PCDHA5: variants seen among roughly 807,000 people sequenced by gnomAD.
PCDHA5 encodes the protein protocadherin alpha-5.
In PCDHA5, 43 loss-of-function variants were observed where a neutral mutation model predicts 61.6. The observed-to-expected ratio is 0.70, with a 90% CI of 0.55 to 0.90. PCDHA5 has a LOEUF of 0.90. PCDHA5 is among the 40% of genes least tolerant of loss of function. The probability of loss-of-function intolerance (pLI) is 0.00; values close to 1 mark genes in which losing one functional copy is unlikely to be tolerated. For missense variants in PCDHA5, 1,298 were observed against 1,222.7 expected (o/e 1.06, Z -0.92); for synonymous variants, 627 against 543.9 (o/e 1.15, Z -2.13).
Position 140,843,491 on chromosome 5 carries a change from T to C in PCDHA5, c.2352+19364T>C, listed in dbSNP as rs2150361204. 8 of 1,595,956 alleles carry C rather than the reference T, an allele frequency of 5.0e-6. 1 individual carries two copies. Among genetic ancestry groups the C allele is most frequent in the South Asian group, 1.1e-5 (1 of 90,486 alleles). On this transcript the variant is annotated intron_variant, in intron 1 of 3. Transcript: ENST00000529859. Reference sequence around the variant, plus strand: ...GCTGCTGTACACTGCGCTGCGGTGCTCAGCACTGCCCACTGAGGGCGGGTG... The same window carrying C: ...GCTGCTGTACACTGCGCTGCGGTGCCCAGCACTGCCCACTGAGGGCGGGTG...
chr5:140,834,404 C>A lies in PCDHA5; in HGVS notation c.2352+10277C>A, dbSNP rs17844304. On this transcript the variant is annotated intron_variant, in intron 1 of 3. Coordinates refer to ENST00000529859, the MANE Select transcript of PCDHA5 (RefSeq NM_018908.3). ...TTGAAATGGTGTGCCCGAATGGATACGACCCAGGGGGCCGACATCTACTGC... is the reference window on the plus strand; with the variant it reads ...TTGAAATGGTGTGCCCGAATGGATAAGACCCAGGGGGCCGACATCTACTGC... 182 of 1,606,186 alleles carry A rather than the reference C, an allele frequency of 1.1e-4. No individual in the cohort carries two copies. The East Asian group carries it at 3.7e-3, about 32-fold the overall frequency.
intron 1 of PCDHA5, among the ~76,000 whole-genome samples, chr5:140,955,355 G>A (rs1406631698): frequency 1.3e-5 from 2 of 152,086 alleles, no homozygotes; most frequent in African/African-American, 4.8e-5. Flanking sequence ...GTTGTGAGAG[G>A]GACCCAGTGG....
intron 1 of PCDHA5, chr5:140,834,849 G>A: frequency 6.2e-7 from 1 of 1,610,850 alleles, no homozygotes; most frequent in East Asian, 2.2e-5. Flanking sequence ...TCCACTAGAG[G>A]GCGCGTCCGA....
At chr5:140,863,422 G>A (rs782158453) in intron 1 of PCDHA5, 1 of 689,156 alleles carries the variant, frequency 1.5e-6, no homozygotes, top group South Asian at 1.3e-5. Flanking sequence ...GTACCGCAGC[G>A]TAGTGGGATC....
Position 141,009,722 on chromosome 5 carries a change from G to T in PCDHA5, c.2596G>T (p.Gly866Cys), listed in dbSNP as rs552954748. 6.8e-6 allele frequency: 11 copies of T among 1,614,022 alleles called. No individual in the cohort carries two copies. The highest frequency in any genetic ancestry group is 9.3e-6 in the Non-Finnish European group (11 of 1,180,046). Residue 866 changes from glycine (G) to cysteine (C), a missense_variant, in exon 4 of 4, where the codon GGT becomes TGT. Gly to Cys is a radical substitution (Grantham distance 159). Transcript: ENST00000529859. ...CGGACCAGGCAACCCCAAACAATCC[G>T]GTCCCGGTGAGTTGCCCGACAAATT... ...KYGPGNPKQS[G>C]PGELPDKFII...
Position 140,823,023 on chromosome 5 carries a change from C to G in PCDHA5, c.1248C>G (p.Ser416Arg). The change falls in exon 1 of 4, where the codon AGC becomes AGG. Residue 416 changes from serine to arginine, a missense_variant. Ser to Arg is a moderately radical substitution (Grantham distance 110). Coordinates refer to ENST00000529859, the MANE Select transcript of PCDHA5 (RefSeq NM_018908.3). ...LVLDSALDRE[S>R]VSVYELVVTA... ...TGGACAGCGCCCTGGACCGCGAGAG[C>G]GTGTCGGTCTATGAGCTGGTGGTGA... The G allele has an allele frequency of 6.2e-7, 1 of 1,614,226 alleles. No homozygotes were observed. Among genetic ancestry groups the G allele is most frequent in the Non-Finnish European group, 8.5e-7 (1 of 1,180,052 alleles).
At chr5:140,919,674 G>C (rs1554199207) in intron 1 of PCDHA5, among the ~76,000 whole-genome samples, 1 of 151,886 alleles carries the variant, frequency 6.6e-6, no homozygotes, top group Non-Finnish European at 1.5e-5. Context: ...TTAGCTTATT[G>C]GTATCTGCTT....
chr5:140,832,245 C>T lies in PCDHA5; in HGVS notation c.2352+8118C>T, dbSNP rs2150200426. ...AGTTGGTTTTGACTTTTTGTGTTGT[C>T]CATGTTCCCAGGAAATATTAGACTA... On this transcript the variant is annotated intron_variant, in intron 1 of 3. Coordinates refer to ENST00000529859, the MANE Select transcript of PCDHA5 (RefSeq NM_018908.3). Among the ~76,000 whole-genome samples, 254 of 152,260 alleles carry T rather than the reference C, an allele frequency of 1.7e-3. 1 individual carries two copies. Among genetic ancestry groups the T allele is most frequent in the African/African-American group, 5.9e-3 (244 of 41,568 alleles).
intron 1 of PCDHA5, among the ~76,000 whole-genome samples, chr5:140,872,690 T>C (rs1485284839): frequency 6.6e-6 from 1 of 152,210 alleles, no homozygotes; most frequent in Non-Finnish European, 1.5e-5. Context: ...ATGGCATGAT[T>C]TATGATTCCA....
intron 1 of PCDHA5, chr5:140,848,676 C>T: frequency 6.3e-7 from 1 of 1,592,292 alleles, no homozygotes; most frequent in South Asian, 1.1e-5. Flanking sequence ...GGAGCTGGTG[C>T]CGCGCCTGTT....
intron 3 of PCDHA5, among the ~76,000 whole-genome samples, chr5:140,999,763 T>C (rs1475737646): frequency 2.0e-5 from 3 of 152,200 alleles, no homozygotes; most frequent in African/African-American, 7.2e-5. Flanking sequence ...ACATGATGTC[T>C]TTATACTCTT....
chr5:140,870,582 G>T (rs1554164436), intron 1 of PCDHA5: 2 of 1,613,846 alleles, frequency 1.2e-6, no homozygotes, highest in Non-Finnish European at 1.7e-6. Flanking sequence ...CCTACTCGCT[G>T]GTGGAGCGGC....
intron 1 of PCDHA5, among the ~76,000 whole-genome samples, chr5:140,889,361 T>C (rs1005398759): frequency 2.0e-5 from 3 of 152,106 alleles, no homozygotes; most frequent in Non-Finnish European, 4.4e-5. Context: ...GATTACTGAC[T>C]CAATTTTAAT....
In PCDHA5 at chr5:140,844,771, C is replaced by A. The variant is rs1035379460; in HGVS notation, c.2352+20644C>A. 3.4e-5 allele frequency among the ~76,000 whole-genome samples: 5 copies of A among 149,070 alleles called. 1 individual carries two copies. Among genetic ancestry groups the A allele is most frequent in the African/African-American group, 7.4e-5 (3 of 40,720 alleles). On this transcript the variant is annotated intron_variant, in intron 1 of 3. Coordinates refer to ENST00000529859, the MANE Select transcript of PCDHA5 (RefSeq NM_018908.3). Reference sequence around the variant, plus strand: ...ATAAATCTTTGAAAAATCCAAGATACTTTATTTTGGTATCTTTCAACATTT... The same window carrying A: ...ATAAATCTTTGAAAAATCCAAGATAATTTATTTTGGTATCTTTCAACATTT...
Position 140,823,503 on chromosome 5 carries a change from G to C in PCDHA5, c.1728G>C (p.Val576=). Residue 576 remains valine (V), a synonymous_variant, in exon 1 of 4, where the codon GTG becomes GTC. Transcript: ENST00000529859. Reference sequence around the variant, plus strand: ...GAGTGGGTGGCACCGGCGGCGCAGTGAGCGAGCTGGTGCCGAGGTCAGTGG... The same window carrying C: ...GAGTGGGTGGCACCGGCGGCGCAGTCAGCGAGCTGGTGCCGAGGTCAGTGG... ...VPRVGGTGGA[V]SELVPRSVGA... is the part of the protein sequence containing the mutation. 6.2e-7 allele frequency: 1 copy of C among 1,613,406 alleles called. No homozygotes were observed. Among genetic ancestry groups the C allele is most frequent in the Non-Finnish European group, 8.5e-7 (1 of 1,179,728 alleles).
At chr5:140,853,843 C>T (rs2042882869) in intron 1 of PCDHA5, 1 of 986,310 alleles carries the variant, frequency 1.0e-6, no homozygotes, top group African/African-American at 1.8e-5. Flanking sequence ...ATTTTAGATC[C>T]ATAGCCCTAT....
At chr5:140,846,239 T>G (rs1183572722) in intron 1 of PCDHA5, among the ~76,000 whole-genome samples, 1 of 149,652 alleles carries the variant, frequency 6.7e-6, no homozygotes, top group Non-Finnish European at 1.5e-5. Flanking sequence ...TAAAAAGAAG[T>G]ATACAATAAT....
chr5:140,877,661 G>C, intron 1 of PCDHA5: 1 of 1,613,572 alleles, frequency 6.2e-7, no homozygotes. Flanking sequence ...CCCACCGTGA[G>C]CCGGTGCGCG....
In PCDHA5 at chr5:140,821,632, A is replaced by C; in HGVS notation, c.-144A>C. 7.2e-6 allele frequency: 7 copies of C among 971,634 alleles called. No individual in the cohort carries two copies. Among genetic ancestry groups the C allele is most frequent in the Non-Finnish European group, 1.0e-5 (7 of 672,206 alleles). The allele number at this position is 971,634 out of a possible 1,614,324, so 60.2% of individuals were successfully genotyped here. ...GTGAGTAGATTTTCCTTAGACAGAA[A>C]GGAAAAGAACCTTCCATTTTTGGCT... On this transcript the variant is annotated 5_prime_UTR_variant, in exon 1 of 4. Transcript: ENST00000529859.
Sources: allele counts gnomAD v4.1 joint callset (sites outside exome capture counted in the v4.1 genomes callset), GRCh38; gene constraint gnomAD v4.1.1; transcripts MANE v1.5; gene names NCBI Gene and HGNC (gene_info 2026-07-23, HGNC 2026-07-21).